Variants in CFAP206 observed in about 807,000 individuals in gnomAD.
The protein encoded by CFAP206 is cilia and flagella associated protein 206.
CFAP206 carries 53 observed loss-of-function variants against 65.4 expected under a neutral mutation model. The ratio of observed to expected loss-of-function variants is 0.81; its 90% CI spans 0.65 to 1.02. The LOEUF (loss-of-function observed/expected upper bound fraction) is 1.02, where lower values mean the gene tolerates loss of function less well. Among genes scored for constraint, CFAP206 ranks in the 50% least tolerant of loss-of-function variants. The pLI, the probability that CFAP206 is intolerant of heterozygous loss-of-function variation, is 0.00. For synonymous variants in CFAP206, 250 were observed against 254.4 expected, an observed-to-expected ratio of 0.98 and a Z score of 0.17; for missense variants, 663 against 753.2, an observed-to-expected ratio of 0.88 and a Z score of 1.40.
intron 11 of CFAP206, among the ~76,000 whole-genome samples, chr6:87,443,294 C>G (rs1046967032): frequency 1.3e-5 from 2 of 152,038 alleles, no homozygotes; most frequent in Non-Finnish European, 2.9e-5. Context: ...TCTACATTAT[C>G]TTATGCTGTC....
At chr6:87,441,751 C>G in intron 11 of CFAP206, 1 of 211,574 alleles carries the variant, frequency 4.7e-6, no homozygotes, top group South Asian at 9.2e-5. Context: ...CATTAAGAAA[C>G]TGTTTCTTCC....
At chr6:87,432,908 T>C (rs1768183251) in intron 10 of CFAP206, among the ~76,000 whole-genome samples, 1 of 152,250 alleles carries the variant, frequency 6.6e-6, no homozygotes, top group South Asian at 2.1e-4. Context: ...TCTGTAGAAC[T>C]TCCCTTCTTC....
At chr6:87,438,313 T>G (rs1242197445) in intron 11 of CFAP206, among the ~76,000 whole-genome samples, 1 of 151,920 alleles carries the variant, frequency 6.6e-6, no homozygotes, top group East Asian at 1.9e-4. Context: ...ATACAAAAAT[T>G]AGCTGGGTGT....
intron 9 of CFAP206, 69 bp from the exon 10 acceptor site, chr6:87,430,964 C>T (rs1412646597): frequency 6.9e-7 from 1 of 1,439,946 alleles, no homozygotes; most frequent in Non-Finnish European, 9.6e-7. Context: ...GAATGAGCTA[C>T]TGCTGATTTA....
At chr6:87,447,757 C>T (rs529510438) in intron 11 of CFAP206, among the ~76,000 whole-genome samples, 18 of 152,090 alleles carry the variant, frequency 1.2e-4, no homozygotes, top group Admixed American at 7.2e-4. Flanking sequence ...GAAATGGTAC[C>T]GGTTTCTCCT....
rs766522982 is a variant in CFAP206, at chr6:87,415,807, C to G, written c.405C>G (p.Ile135Met). The change falls in exon 5 of 13, where the codon ATC becomes ATG. Residue 135 changes from isoleucine to methionine, a missense_variant. Ile to Met is a conservative substitution (Grantham distance 10). Coordinates refer to ENST00000369562, the MANE Select transcript of CFAP206 (RefSeq NM_001031743.3). ...TGGAAAGCCTCTACCGGAAGATTAT[C>G]AGCTATGTGTTACTCCGCTCTGGCC... ...EELESLYRKIISYVLLRSGLG... is the reference protein window; with the variant it reads ...EELESLYRKIMSYVLLRSGLG... 1 of 1,613,490 alleles carries G rather than the reference C, an allele frequency of 6.2e-7. No individual in the cohort carries two copies. Among genetic ancestry groups the G allele is most frequent in the South Asian group, 1.1e-5 (1 of 90,932 alleles).
chr6:87,459,968 T>C (rs887854169), intron 11 of CFAP206, among the ~76,000 whole-genome samples: 3 of 152,240 alleles, frequency 2.0e-5, no homozygotes, highest in Non-Finnish European at 4.4e-5. Flanking sequence ...CATGTAGTCC[T>C]TGCTGTCTAA....
At chr6:87,460,255 A>T (rs941208859) in intron 11 of CFAP206, among the ~76,000 whole-genome samples, 1 of 152,210 alleles carries the variant, frequency 6.6e-6, no homozygotes, top group Non-Finnish European at 1.5e-5. Flanking sequence ...AATTCTTAAT[A>T]TTGGGTTCCC....
At chr6:87,456,862 G>A (rs1378577628) in intron 11 of CFAP206, among the ~76,000 whole-genome samples, 9 of 152,010 alleles carry the variant, frequency 5.9e-5, no homozygotes, top group Non-Finnish European at 1.3e-4. Flanking sequence ...AAGAAACTGA[G>A]GTTGGCTGAA....
intron 11 of CFAP206, among the ~76,000 whole-genome samples, chr6:87,440,388 G>C (rs1170349218): frequency 6.6e-6 from 1 of 150,838 alleles, no homozygotes; most frequent in Non-Finnish European, 1.5e-5. Context: ...GAGTCTGTTA[G>C]TTTTTTTTTC....
intron 1 of CFAP206, among the ~76,000 whole-genome samples, chr6:87,409,283 A>G (rs9444494): frequency 0.27 from 40,657 of 150,240 alleles, 5,602 homozygotes; most frequent in African/African-American, 0.33. Context: ...CTGGAGTGCA[A>G]TGGCACCGCA....
chr6:87,413,115 G>C (rs1251049333), intron 3 of CFAP206, among the ~76,000 whole-genome samples: 1 of 152,182 alleles, frequency 6.6e-6, no homozygotes, highest in Non-Finnish European at 1.5e-5. Flanking sequence ...CAGGTTTCTT[G>C]CCTTCAACTA....
chr6:87,440,472 T>C lies in CFAP206; in HGVS notation c.1494+5419T>C, dbSNP rs1389536383. ...ACTTTGTATTTTTTTTAACGCGATATTGCTTTATTACAGGAGGTGAGTGTT... is the reference window on the plus strand; with the variant it reads ...ACTTTGTATTTTTTTTAACGCGATACTGCTTTATTACAGGAGGTGAGTGTT... On this transcript the variant is annotated intron_variant, in intron 11 of 12. Coordinates refer to ENST00000369562, the MANE Select transcript of CFAP206 (RefSeq NM_001031743.3). Among the ~76,000 whole-genome samples, 14 of 152,126 alleles carry C rather than the reference T, an allele frequency of 9.2e-5. 1 individual carries two copies. Among genetic ancestry groups the C allele is most frequent in the Admixed American group, 6.6e-4 (10 of 15,254 alleles).
Position 87,415,779 on chromosome 6 carries a change from A to G in CFAP206, c.377A>G (p.Glu126Gly). The change falls in exon 5 of 13, where the codon GAA becomes GGA. Residue 126 changes from glutamate to glycine, a missense_variant. Transcript: ENST00000369562. ...ITDNRACAKEELESLYRKIIS... is the reference protein window; with the variant it reads ...ITDNRACAKEGLESLYRKIIS... ...GATAACAGAGCATGTGCTAAAGAAG[A>G]ATTGGAAAGCCTCTACCGGAAGATT... is the stretch of plus-strand genomic sequence containing the variant. The G allele has an allele frequency of 6.2e-7, 1 of 1,613,766 alleles. No individual in the cohort carries two copies. The highest frequency in any genetic ancestry group is 2.2e-5 in the East Asian group (1 of 44,848).
Position 87,464,206 on chromosome 6 carries a change from G to A in CFAP206, c.1825G>A (p.Asp609Asn), listed in dbSNP as rs760848160. 12 of 1,614,114 alleles carry A rather than the reference G, an allele frequency of 7.4e-6. No homozygotes were observed. In the East Asian group the frequency reaches 8.9e-5, roughly 12 times the overall value. Residue 609 changes from aspartate to asparagine, a missense_variant, in exon 13 of 13, where the codon GAT (aspartate) becomes AAT (asparagine). Transcript: ENST00000369562. The part of the protein sequence containing the change: ...GLRGGKSEIT[D>N]EVKVNLTRDV... ...TCGTGGAGGAAAGAGCGAAATCACC[G>A]ATGAGGTCAAGGTGAACTTAACTAG... is the stretch of plus-strand genomic sequence containing the variant.
At chr6:87,449,139 T>G (rs1214290196) in intron 11 of CFAP206, among the ~76,000 whole-genome samples, 2 of 152,122 alleles carry the variant, frequency 1.3e-5, no homozygotes, top group Admixed American at 1.3e-4. Context: ...AAAAAGTGTA[T>G]GAGTTCCCTT....
chr6:87,408,296 G>C (rs1292677419), intron 1 of CFAP206, among the ~76,000 whole-genome samples: 1 of 152,256 alleles, frequency 6.6e-6, no homozygotes, highest in Non-Finnish European at 1.5e-5. Flanking sequence ...CAGGGCTGCA[G>C]GGCTGCCCTC....
chr6:87,442,188 A>T (rs1768371792), intron 11 of CFAP206: 1 of 153,640 alleles, frequency 6.5e-6, no homozygotes, highest in African/African-American at 2.4e-5. Context: ...CAGCAAATCA[A>T]CTAAATGAAA....
intron 11 of CFAP206, among the ~76,000 whole-genome samples, chr6:87,458,055 T>C (rs376643243): frequency 6.6e-6 from 1 of 151,868 alleles, no homozygotes; most frequent in Admixed American, 6.6e-5. Flanking sequence ...AAATGGCAAA[T>C]AGATATATGA....
Sources: allele counts gnomAD v4.1 joint callset (sites outside exome capture counted in the v4.1 genomes callset), GRCh38; gene constraint gnomAD v4.1.1; transcripts MANE v1.5; gene names NCBI Gene and HGNC (gene_info 2026-07-23, HGNC 2026-07-21).